The following MEGF6 variants were observed in gnomAD, a reference collection of about 807,000 sequenced individuals.
MEGF6 encodes the protein multiple epidermal growth factor-like domains protein 6.
In MEGF6, 184 loss-of-function variants were observed where a neutral mutation model predicts 207.1. The ratio of observed to expected loss-of-function variants is 0.89; its 90% CI spans 0.79 to 1.00. The LOEUF (loss-of-function observed/expected upper bound fraction) is 1.00. MEGF6 is among the 50% of genes least tolerant of loss of function. The probability of loss-of-function intolerance (pLI) is 0.00; values close to 1 mark genes in which losing one functional copy is unlikely to be tolerated. For missense variants in MEGF6, 2,282 were observed against 2,202.9 expected (o/e 1.04, Z -0.72); for synonymous variants, 1,038 against 910.0 (o/e 1.14, Z -2.53).
intron 4 of MEGF6, among the ~76,000 whole-genome samples, chr1:3,569,848 G>C (rs907128579): frequency 6.6e-6 from 1 of 152,228 alleles, no homozygotes; most frequent in Admixed American, 6.5e-5. Flanking sequence ...GTCTCCTGCT[G>C]TAATTATGTC....
chr1:3,616,828 G>A, the MEGF6 span, among the ~76,000 whole-genome samples: 9 of 152,278 alleles, frequency 5.9e-5, no homozygotes, highest in African/African-American at 1.4e-4. Context: ...CAGATGGCCC[G>A]GTCAGAACCC....
rs964498355 is a variant in MEGF6, at chr1:3,490,421, C to A, written c.*107G>T. On this transcript the variant is annotated 3_prime_UTR_variant, in exon 37 of 37. Coordinates refer to ENST00000356575, the MANE Select transcript of MEGF6 (RefSeq NM_001409.4). ...CCCTCCACGGCCCTCAAAGGAAGGG[C>A]AGTACCAGGAGCTCTGGGCCCGTGA... The A allele has an allele frequency of 1.3e-5, 16 of 1,243,184 alleles. No individual in the cohort carries two copies. The highest frequency in any genetic ancestry group is 2.3e-5 in the Admixed American group (1 of 43,690). 77.0% of individuals were successfully genotyped at this position (1,243,184 alleles called of 1,614,324 possible). A position where few individuals can be genotyped will look rare whatever the true frequency, so the allele number is the denominator to read the frequency against.
Position 3,560,629 on chromosome 1 carries a change from G to A in MEGF6, c.481+19196C>T, listed in dbSNP as rs1435351984. ...CGCTCCATAGGCAGGGAAAGGCTCTGGGGATCCGGGGTCCCTTCCCAGGCT... is the reference window on the plus strand; with the variant it reads ...CGCTCCATAGGCAGGGAAAGGCTCTAGGGATCCGGGGTCCCTTCCCAGGCT... On this transcript the variant is annotated intron_variant, in intron 4 of 36. Transcript: ENST00000356575. This position sits in a 1 kb window ranked among gnomAD's most constrained non-coding sequence, Gnocchi z 4.0. 6 of 428,444 alleles carry A rather than the reference G, an allele frequency of 1.4e-5. No individual in the cohort carries two copies. The highest frequency in any genetic ancestry group is 8.2e-5 in the South Asian group (5 of 60,810). 26.5% of individuals were successfully genotyped at this position (428,444 alleles called of 1,614,324 possible).
chr1:3,510,751 C>T (rs765384657), intron 10 of MEGF6, 32 bp downstream of exon 10: 13 of 1,579,584 alleles, frequency 8.2e-6, no homozygotes, highest in Non-Finnish European at 1.1e-5. Flanking sequence ...TCCCAGGCCA[C>T]CCCAGCTGTG....
chr1:3,498,932 C>T, intron 24 of MEGF6, 106 bp from the exon 25 acceptor site: 1 of 1,460,260 alleles, frequency 6.8e-7, no homozygotes, highest in South Asian at 1.3e-5. Context: ...AGGCACCTTG[C>T]AGGGGGCTGC....
chr1:3,502,191 G>C (rs1378399343), intron 17 of MEGF6, among the ~76,000 whole-genome samples: 1 of 148,192 alleles, frequency 6.7e-6, no homozygotes, highest in Non-Finnish European at 1.5e-5. Context: ...GAACAGGCAA[G>C]GGAGGAGTGA....
intron 4 of MEGF6, among the ~76,000 whole-genome samples, chr1:3,537,307 C>T (rs562214385): frequency 6.4e-4 from 98 of 152,358 alleles, no homozygotes; most frequent in African/African-American, 2.2e-3. Context: ...GGGGAAGGAG[C>T]TAAGCCCTTG....
chr1:3,590,562 G>A (rs532652656), intron 3 of MEGF6, among the ~76,000 whole-genome samples: 5 of 152,346 alleles, frequency 3.3e-5, no homozygotes, highest in Admixed American at 2.0e-4. Flanking sequence ...CTTCCGGCCA[G>A]TCTCACGGGC....
the MEGF6 span, among the ~76,000 whole-genome samples, chr1:3,622,260 TC>T: frequency 6.6e-6 from 1 of 152,016 alleles, no homozygotes; most frequent in Non-Finnish European, 1.5e-5. Flanking sequence ...GGGGGCGATT[TC>T]CCCCGTGCTG....
intron 4 of MEGF6, among the ~76,000 whole-genome samples, chr1:3,527,223 C>T (rs1279752385): frequency 3.3e-5 from 5 of 152,226 alleles, no homozygotes; most frequent in South Asian, 2.1e-4. Flanking sequence ...CAGGTGCAAG[C>T]GGCCAGCGCC....
In MEGF6 at chr1:3,555,200, G is replaced by A. The variant is rs931783328; in HGVS notation, c.481+24625C>T. 7.9e-5 allele frequency among the ~76,000 whole-genome samples: 11 copies of A among 139,506 alleles called. No individual in the cohort carries two copies. In the East Asian group the frequency reaches 2.4e-3, roughly 31 times the overall value. The allele number at this position is 139,506 out of a possible 152,430, so 91.5% of individuals were successfully genotyped here. The stretch of plus-strand genomic sequence containing the variant: ...CCACCCAGGGCTATGGATCAGGGCC[G>A]AGAAGGGGCCTCTTCTGCCCAAAAA... On this transcript the variant is annotated intron_variant, in intron 4 of 36. Transcript: ENST00000356575.
intron 4 of MEGF6, chr1:3,547,034 T>G (rs1304497837): frequency 1.3e-5 from 2 of 153,694 alleles, no homozygotes; most frequent in Non-Finnish European, 2.9e-5. Flanking sequence ...AGCTGGTGGC[T>G]GGGGGGGGGC....
At chr1:3,579,658 G>A (rs1209942635) in intron 4 of MEGF6, among the ~76,000 whole-genome samples, 167 bp downstream of exon 4, 2 of 152,278 alleles carry the variant, frequency 1.3e-5, no homozygotes, top group Non-Finnish European at 2.9e-5. Context: ...CAGAGGGGCT[G>A]CAGGGAACTG....
At chr1:3,601,888 G>C (rs376276254) in intron 2 of MEGF6, among the ~76,000 whole-genome samples, 234 of 152,316 alleles carry the variant, frequency 1.5e-3, no homozygotes, top group African/African-American at 4.1e-3. Flanking sequence ...AGCTAGCCAC[G>C]ATCTTCTCTG....
chr1:3,492,508 C>T (rs1640413986), intron 35 of MEGF6, 131 bp downstream of exon 35: 12 of 1,295,548 alleles, frequency 9.3e-6, no homozygotes, highest in Non-Finnish European at 1.3e-5. Context: ...ATGACATTCG[C>T]TATGTCTGAA....
chr1:3,617,976 AGCCCCC>A, the MEGF6 span, among the ~76,000 whole-genome samples: 1 of 152,128 alleles, frequency 6.6e-6, no homozygotes, highest in East Asian at 1.9e-4. Flanking sequence ...GTCCCTGGGG[AGCCCCC>A]GGCCCAGAGA....
chr1:3,605,296 TCACA>T (rs1442136341), intron 1 of MEGF6, among the ~76,000 whole-genome samples: 8 of 150,614 alleles, frequency 5.3e-5, no homozygotes, highest in African/African-American at 1.7e-4. Context: ...ACAAACGCAA[TCACA>T]CACATTCACA....
chr1:3,618,490 G>A, the MEGF6 span, among the ~76,000 whole-genome samples: 6,693 of 152,214 alleles, frequency 0.044, 485 homozygotes, highest in African/African-American at 0.15. This position sits in a 1 kb window ranked among gnomAD's most constrained non-coding sequence, Gnocchi z 4.7. Flanking sequence ...GGGTGCAGAG[G>A]TGGAGGAAAT....
intron 3 of MEGF6, among the ~76,000 whole-genome samples, chr1:3,592,181 C>T (rs1018513995): frequency 2.6e-5 from 4 of 152,194 alleles, no homozygotes; most frequent in African/African-American, 4.8e-5. Flanking sequence ...GAGGCTGGCA[C>T]GGTGCCCCCA....
Sources: gnomAD v4.1 joint callset for allele counts (sites outside exome capture counted in the v4.1 genomes callset) on GRCh38, gnomAD v4.1.1 for gene constraint, Gnocchi (gnomAD v3.1) non-coding constraint, MANE v1.5 for transcripts, NCBI Gene and HGNC (gene_info 2026-07-23, HGNC 2026-07-21) for gene names.